Variants in KAZN observed in about 807,000 individuals in gnomAD.
The protein encoded by KAZN is kazrin.
In KAZN, 40 loss-of-function variants were observed where a neutral mutation model predicts 87.4. That is an observed-to-expected ratio of 0.46 (90% CI 0.36 to 0.60). KAZN has a LOEUF of 0.60. KAZN is among the 20% of genes least tolerant of loss of function. The pLI is 0.00. For synonymous variants in KAZN, 466 were observed against 458.3 expected (o/e 1.02, Z -0.22); for missense variants, 898 against 1,073.9 (o/e 0.84, Z 2.29).
chr1:14,417,062 T>C (rs1664847928), intron 2 of KAZN, among the ~76,000 whole-genome samples: 1 of 151,030 alleles, frequency 6.6e-6, no homozygotes, highest in Non-Finnish European at 1.5e-5. Flanking sequence ...TGTAGTGGCA[T>C]GTGCCTGTGG....
chr1:14,365,371 G>T (rs1402446806), intron 2 of KAZN, among the ~76,000 whole-genome samples: 32 of 87,406 alleles, frequency 3.7e-4, no homozygotes, highest in African/African-American at 1.9e-3. Flanking sequence ...CCCGGGGTGG[G>T]GGGGGGGGGG....
At chr1:14,475,137 TGATG>T (rs538602227) in intron 2 of KAZN, among the ~76,000 whole-genome samples, 75 of 151,696 alleles carry the variant, frequency 4.9e-4, no homozygotes, top group Middle Eastern at 3.4e-3. Context: ...GATATTGAAT[TGATG>T]GATGGATGGA....
intron 1 of KAZN, among the ~76,000 whole-genome samples, chr1:14,136,834 T>G (rs1645118439): frequency 6.6e-6 from 1 of 152,174 alleles, no homozygotes; most frequent in Admixed American, 6.5e-5. Flanking sequence ...TAGTAATGAC[T>G]GCAGTAAGCC....
chr1:13,896,589 G>A (rs910135611), intron 1 of KAZN, among the ~76,000 whole-genome samples: 10 of 152,156 alleles, frequency 6.6e-5, no homozygotes, highest in Non-Finnish European at 1.0e-4. Context: ...ACCATGCCAG[G>A]CTCCTGTAAT....
At chr1:14,834,000 C>CACACACAT in intron 1 of KAZN, among the ~76,000 whole-genome samples, 1 of 150,282 alleles carries the variant, frequency 6.7e-6, no homozygotes, top group African/African-American at 2.4e-5. Context: ...CACACACACA[C>CACACACAT]ACACACACAT....
intron 1 of KAZN, among the ~76,000 whole-genome samples, chr1:14,106,973 C>T (rs1207224527): frequency 9.3e-5 from 11 of 117,816 alleles, no homozygotes; most frequent in African/African-American, 3.3e-4. Flanking sequence ...CCCGTCCCTC[C>T]CTCCTTCTCT....
intron 2 of KAZN, among the ~76,000 whole-genome samples, chr1:14,545,438 T>A (rs1337692730): frequency 6.6e-6 from 1 of 152,204 alleles, no homozygotes; most frequent in Non-Finnish European, 1.5e-5. Flanking sequence ...GCCCGCTCCA[T>A]GACCTTGGGA....
intron 1 of KAZN, among the ~76,000 whole-genome samples, chr1:14,707,735 G>A (rs1372692140): frequency 6.6e-6 from 1 of 152,132 alleles, no homozygotes; most frequent in Non-Finnish European, 1.5e-5. Context: ...TAGACCATAT[G>A]TTTCTGACTC....
chr1:14,731,786 G>A (rs942489229), intron 1 of KAZN, among the ~76,000 whole-genome samples: 5 of 152,158 alleles, frequency 3.3e-5, no homozygotes, highest in Admixed American at 2.6e-4. Context: ...AGGTCTGTTC[G>A]GCACCTTAAA....
At chr1:14,309,646 C>T (rs1370427940) in intron 2 of KAZN, among the ~76,000 whole-genome samples, 1 of 152,120 alleles carries the variant, frequency 6.6e-6, no homozygotes, top group African/African-American at 2.4e-5. Flanking sequence ...CTGTGGCCTC[C>T]ACCTCCCAGG....
In KAZN at chr1:13,981,089, T is replaced by TTATATA. The variant is rs1205017791; in HGVS notation, c.91+87349_91+87354dup. On this transcript the variant is annotated intron_variant, in intron 1 of 16. Coordinates refer to the KAZN transcript ENST00000636203. ...TTGGAGAGGTATAAAAAATTACTCT[T>TTATATA]TATATATATATATATATATATGTAT... Among the ~76,000 whole-genome samples, 115 of 62,998 alleles carry TTATATA rather than the reference T, an allele frequency of 1.8e-3. 3 individuals are homozygous for TTATATA. The highest frequency in any genetic ancestry group is 3.2e-3 in the African/African-American group (55 of 17,178). 41.3% of individuals were successfully genotyped at this position (62,998 alleles called of 152,430 possible).
intron 2 of KAZN, among the ~76,000 whole-genome samples, chr1:14,201,578 C>T (rs1489125885): frequency 6.6e-6 from 1 of 152,200 alleles, no homozygotes; most frequent in Non-Finnish European, 1.5e-5. Flanking sequence ...GCAGACAAAG[C>T]CCCAGCATCA....
chr1:15,027,070 CTTTTTTT>C (rs71000358), intron 2 of KAZN, among the ~76,000 whole-genome samples: 71 of 56,116 alleles, frequency 1.3e-3, no homozygotes, highest in African/African-American at 4.3e-3. Context: ...GCCAGTGCTT[CTTTTTTT>C]TTTTTTTTTT....
chr1:14,233,074 C>T (rs996881142), intron 2 of KAZN, among the ~76,000 whole-genome samples: 1 of 152,148 alleles, frequency 6.6e-6, no homozygotes, highest in Non-Finnish European at 1.5e-5. Context: ...AAGGCTATGC[C>T]TCTGCCTCTC....
chr1:13,995,045 A>G (rs1299765810), intron 1 of KAZN, among the ~76,000 whole-genome samples: 1 of 152,178 alleles, frequency 6.6e-6, no homozygotes, highest in Admixed American at 6.5e-5. Flanking sequence ...TGAAAAGAAC[A>G]TGCTGACTCA....
intron 1 of KAZN, among the ~76,000 whole-genome samples, chr1:14,077,742 G>A (rs181721560): frequency 8.5e-4 from 130 of 152,296 alleles, no homozygotes; most frequent in African/African-American, 3.0e-3. Context: ...AATCTTTGCA[G>A]ATGAAATCTA....
At chr1:13,997,772 T>A (rs1639593505) in intron 1 of KAZN, among the ~76,000 whole-genome samples, 1 of 151,986 alleles carries the variant, frequency 6.6e-6, no homozygotes, top group Admixed American at 6.6e-5. Context: ...ACGGAGAGAA[T>A]AGAAACAAGC....
chr1:14,640,872 T>A (rs1239255796), intron 1 of KAZN, among the ~76,000 whole-genome samples: 1 of 152,222 alleles, frequency 6.6e-6, no homozygotes. Flanking sequence ...AAAGGCTTGC[T>A]GACCTCCCAC....
intron 1 of KAZN, among the ~76,000 whole-genome samples, chr1:14,145,459 C>T (rs1047647926): frequency 1.1e-4 from 17 of 152,066 alleles, no homozygotes; most frequent in African/African-American, 3.9e-4. Context: ...AAAAGACACA[C>T]ACACACACCC....
Sources: allele counts gnomAD v4.1 joint callset (sites outside exome capture counted in the v4.1 genomes callset), GRCh38; gene constraint gnomAD v4.1.1; transcripts MANE v1.5; gene names NCBI Gene and HGNC (gene_info 2026-07-23, HGNC 2026-07-21).